The following SPOCK1 variants were observed in gnomAD, a reference collection of about 807,000 sequenced individuals.
The protein encoded by SPOCK1 is SPARC (osteonectin), cwcv and kazal like domains proteoglycan 1.
In SPOCK1, 23 loss-of-function variants were observed where a neutral mutation model predicts 55.3. That is an observed-to-expected ratio of 0.42 (90% CI 0.30 to 0.59). The LOEUF is 0.59. SPOCK1 is among the 20% of genes least tolerant of loss of function. The pLI, the probability that SPOCK1 is intolerant of heterozygous loss-of-function variation, is 0.22. For missense variants in SPOCK1, 499 were observed against 552.5 expected (o/e 0.90, Z 0.97); for synonymous variants, 226 against 221.0 (o/e 1.02, Z -0.20).
rs190942022 is a variant in SPOCK1 at position 137,496,991 on chromosome 5, G to A, written c.186+1382C>T. Among the ~76,000 whole-genome samples, 279 of 152,250 alleles carry A rather than the reference G, an allele frequency of 1.8e-3. 3 individuals carry two copies. Among genetic ancestry groups the A allele is most frequent in the African/African-American group, 6.2e-3 (258 of 41,546 alleles). On this transcript the variant is annotated intron_variant, in intron 2 of 10. Coordinates refer to ENST00000394945, the MANE Select transcript of SPOCK1 (RefSeq NM_004598.4). ...CATCAACTAGAAAAAAGAAGAGGAGGAACAGAGAGGAGAGTGATAAACCCC... is the reference window on the plus strand; with the variant it reads ...CATCAACTAGAAAAAAGAAGAGGAGAAACAGAGAGGAGAGTGATAAACCCC...
intron 5 of SPOCK1, among the ~76,000 whole-genome samples, chr5:137,081,980 C>T (rs946855144): frequency 6.6e-6 from 1 of 152,222 alleles, no homozygotes; most frequent in Non-Finnish European, 1.5e-5. Context: ...TGCAACATGT[C>T]TGATCTCATT....
chr5:137,468,450 T>C (rs1318484953), intron 2 of SPOCK1, among the ~76,000 whole-genome samples: 1 of 152,194 alleles, frequency 6.6e-6, no homozygotes, highest in Non-Finnish European at 1.5e-5. Context: ...GAATGACACA[T>C]TTCAATACAT....
At chr5:137,307,350 T>A (rs1561499831) in intron 2 of SPOCK1, among the ~76,000 whole-genome samples, 1 of 152,216 alleles carries the variant, frequency 6.6e-6, no homozygotes, top group East Asian at 1.9e-4. Context: ...TTGATTTACC[T>A]ACTTTTCTCC....
chr5:137,381,863 C>G (rs1174312989), intron 2 of SPOCK1, among the ~76,000 whole-genome samples: 1 of 152,226 alleles, frequency 6.6e-6, no homozygotes, highest in Non-Finnish European at 1.5e-5. Context: ...TTTACTTATG[C>G]AAATTTCTGC....
At chr5:137,332,638 G>A (rs747460990) in intron 2 of SPOCK1, among the ~76,000 whole-genome samples, 1 of 152,204 alleles carries the variant, frequency 6.6e-6, no homozygotes, top group Non-Finnish European at 1.5e-5. Flanking sequence ...GTTCTGCTCT[G>A]CAGGAGCTAA....
intron 2 of SPOCK1, among the ~76,000 whole-genome samples, chr5:137,476,299 A>T (rs572429209): frequency 6.6e-6 from 1 of 152,332 alleles, no homozygotes; most frequent in South Asian, 2.1e-4. Flanking sequence ...TGTGGCAGGT[A>T]GAAAAGAGAA....
chr5:137,088,797 T>C (rs951840497), intron 5 of SPOCK1, among the ~76,000 whole-genome samples: 2 of 151,844 alleles, frequency 1.3e-5, no homozygotes, highest in Admixed American at 6.6e-5. Flanking sequence ...ACCATGGGGG[T>C]TGAAAGATGG....
chr5:137,294,665 C>T (rs550273807), intron 2 of SPOCK1, among the ~76,000 whole-genome samples: 19 of 152,322 alleles, frequency 1.2e-4, no homozygotes, highest in African/African-American at 3.8e-4. Context: ...CAGCATCCCA[C>T]AGAGAAGGGA....
rs1214051773 is a variant in SPOCK1, at chr5:136,975,832, AT to A, written c.*2821del. Reference sequence around the variant, plus strand: ...ACATTCATATGGCAAATAACTAACCATGGTGGAACAAAATTCTGGGATTTAA... The same window carrying A: ...ACATTCATATGGCAAATAACTAACCAGGTGGAACAAAATTCTGGGATTTAA... On this transcript the variant is annotated 3_prime_UTR_variant, in exon 11 of 11. Coordinates refer to ENST00000394945, the MANE Select transcript of SPOCK1 (RefSeq NM_004598.4). 1.3e-5 allele frequency: 2 copies of A among 152,216 alleles called. No homozygotes were observed. Among genetic ancestry groups the A allele is most frequent in the Non-Finnish European group, 2.9e-5 (2 of 68,030 alleles). The allele number at this position is 152,216 out of a possible 1,614,324, so 9.4% of individuals were successfully genotyped here. A position where few individuals can be genotyped will look rare whatever the true frequency, so the allele number is the denominator to read the frequency against.
At chr5:137,153,574 C>T (rs975695665) in intron 3 of SPOCK1, among the ~76,000 whole-genome samples, 2 of 152,098 alleles carry the variant, frequency 1.3e-5, no homozygotes, top group African/African-American at 4.8e-5. Flanking sequence ...GAGAAAGAGG[C>T]CAGGCACGGT....
intron 2 of SPOCK1, among the ~76,000 whole-genome samples, chr5:137,423,298 A>C (rs1308020416): frequency 6.6e-6 from 1 of 151,884 alleles, no homozygotes; most frequent in Non-Finnish European, 1.5e-5. Flanking sequence ...GAGAACCACT[A>C]CTCTCTTCAA....
chr5:137,385,504 C>T (rs1751579973), intron 2 of SPOCK1, among the ~76,000 whole-genome samples: 1 of 152,136 alleles, frequency 6.6e-6, no homozygotes, highest in African/African-American at 2.4e-5. Flanking sequence ...GTACATGGTC[C>T]AAAACTAGAA....
chr5:137,232,423 G>A (rs534799234), intron 3 of SPOCK1, among the ~76,000 whole-genome samples: 22 of 152,266 alleles, frequency 1.4e-4, no homozygotes, highest in African/African-American at 4.8e-4. Flanking sequence ...AGCTGCTCCC[G>A]CATCACTTAT....
intron 3 of SPOCK1, among the ~76,000 whole-genome samples, chr5:137,146,130 A>C (rs1013583490): frequency 1.3e-5 from 2 of 152,194 alleles, no homozygotes; most frequent in African/African-American, 4.8e-5. Flanking sequence ...AGTGGCACTT[A>C]GTAAGAACAG....
chr5:137,342,116 A>AT (rs1188648516), intron 2 of SPOCK1, among the ~76,000 whole-genome samples: 1 of 152,202 alleles, frequency 6.6e-6, no homozygotes, highest in African/African-American at 2.4e-5. Flanking sequence ...GAGCGTTTTG[A>AT]TGGACGGTGT....
intron 4 of SPOCK1, among the ~76,000 whole-genome samples, chr5:137,125,105 T>A (rs979595514): frequency 6.6e-6 from 1 of 152,212 alleles, no homozygotes; most frequent in African/African-American, 2.4e-5. Flanking sequence ...ACTGTAAGCA[T>A]CACTTTGCAA....
At chr5:137,184,918 G>A (rs772057460) in intron 3 of SPOCK1, among the ~76,000 whole-genome samples, 55 of 152,066 alleles carry the variant, frequency 3.6e-4, no homozygotes, top group Non-Finnish European at 6.3e-4. Context: ...ACATGTCCCC[G>A]CCTCAGAGAT....
intron 3 of SPOCK1, among the ~76,000 whole-genome samples, chr5:137,156,162 G>A (rs1754413461): frequency 6.6e-6 from 1 of 152,098 alleles, no homozygotes; most frequent in Non-Finnish European, 1.5e-5. Flanking sequence ...CAGGGTAAGT[G>A]CCTCTGAACC....
intron 6 of SPOCK1, among the ~76,000 whole-genome samples, chr5:137,024,459 A>C (rs1299498173): frequency 6.6e-6 from 1 of 152,124 alleles, no homozygotes; most frequent in African/African-American, 2.4e-5. Flanking sequence ...GACCTATTGA[A>C]ATATTTAAAG....
Sources: allele counts gnomAD v4.1 joint callset (sites outside exome capture counted in the v4.1 genomes callset), GRCh38; gene constraint gnomAD v4.1.1; transcripts MANE v1.5; gene names NCBI Gene and HGNC (gene_info 2026-07-23, HGNC 2026-07-21).